Variants in UBE2H observed in about 807,000 individuals in gnomAD.
UBE2H encodes ubiquitin-conjugating enzyme E2 H.
A neutral mutation model predicts 29.0 loss-of-function variants in UBE2H; 3 were observed. The ratio of observed to expected loss-of-function variants is 0.10; its 90% CI spans 0.05 to 0.27. The LOEUF (loss-of-function observed/expected upper bound fraction) is 0.27. Among genes scored for constraint, UBE2H ranks in the 10% least tolerant of loss-of-function variants. UBE2H has a pLI of 1.00. For synonymous variants in UBE2H, 69 were observed against 82.9 expected, an observed-to-expected ratio of 0.83 and a Z score of 0.91; for missense variants, 68 against 228.2, an observed-to-expected ratio of 0.30 and a Z score of 4.52.
At chr7:129,921,570 ACGTCTGTGGTCCCAGCTACTTGGGAGG>A (rs1422399214) in intron 1 of UBE2H, among the ~76,000 whole-genome samples, 1 of 151,758 alleles carries the variant, frequency 6.6e-6, no homozygotes, top group Non-Finnish European at 1.5e-5. Context: ...ATGGTGGCAC[ACGTCTGTGGTCCCAGCTACTTGGGAGG>A]CTGAGGCAGG....
At chr7:129,949,400 AG>A (rs1320601997) in intron 1 of UBE2H, among the ~76,000 whole-genome samples, 2 of 151,604 alleles carry the variant, frequency 1.3e-5, no homozygotes, top group East Asian at 3.9e-4. Context: ...ACTATTCCAT[AG>A]GATCTGGGCT....
intron 1 of UBE2H, among the ~76,000 whole-genome samples, chr7:129,888,776 C>T (rs1469990605): frequency 6.6e-6 from 1 of 152,116 alleles, no homozygotes; most frequent in Non-Finnish European, 1.5e-5. Context: ...CGCCCAGCCA[C>T]AAAAACTACT....
At chr7:129,862,087 G>A (rs1805814316) in intron 3 of UBE2H, among the ~76,000 whole-genome samples, 1 of 152,074 alleles carries the variant, frequency 6.6e-6, no homozygotes, top group Non-Finnish European at 1.5e-5. Flanking sequence ...TATAAGGTAC[G>A]TGGTCCTCAA....
intron 1 of UBE2H, among the ~76,000 whole-genome samples, chr7:129,941,007 T>G (rs1432271238): frequency 2.0e-5 from 3 of 151,864 alleles, no homozygotes; most frequent in Non-Finnish European, 4.4e-5. Context: ...CAGGCTGTAG[T>G]ACAATGGCAC....
rs184501118 is a variant in UBE2H at position 129,841,529 on chromosome 7, C to A, written c.299-2194G>T. Among the ~76,000 whole-genome samples, 511 of 152,330 alleles carry A rather than the reference C, an allele frequency of 3.4e-3. 6 individuals are homozygous for A. The highest frequency in any genetic ancestry group is 3.5e-4 in the Non-Finnish European group (24 of 68,028). On this transcript the variant is annotated intron_variant, in intron 5 of 6. Transcript: ENST00000355621. Reference sequence around the variant, plus strand: ...CAGTGTGAATAAGGAAATTAATTTTCAGTTTATTTAATTCTAATTAAATTT... The same window carrying A: ...CAGTGTGAATAAGGAAATTAATTTTAAGTTTATTTAATTCTAATTAAATTT...
intron 6 of UBE2H, among the ~76,000 whole-genome samples, chr7:129,837,764 G>C (rs1164225667): frequency 1.3e-5 from 2 of 152,196 alleles, no homozygotes; most frequent in East Asian, 3.8e-4. Flanking sequence ...AGTAGGAAGT[G>C]GGGGTGAGCT....
At chr7:129,854,896 C>T (rs1805677026) in intron 5 of UBE2H, among the ~76,000 whole-genome samples, 1 of 151,876 alleles carries the variant, frequency 6.6e-6, no homozygotes, top group African/African-American at 2.4e-5. Flanking sequence ...CACGGATCAA[C>T]CTTGAAAACA....
chr7:129,865,582 GC>G (rs1419297511), intron 3 of UBE2H, among the ~76,000 whole-genome samples: 2 of 152,270 alleles, frequency 1.3e-5, no homozygotes, highest in South Asian at 2.1e-4. Flanking sequence ...ATCACCAAAG[GC>G]CAAAACAGCA....
intron 1 of UBE2H, among the ~76,000 whole-genome samples, chr7:129,938,928 A>G (rs1467400432): frequency 6.6e-6 from 1 of 151,794 alleles, no homozygotes; most frequent in Non-Finnish European, 1.5e-5. Flanking sequence ...CCTCCCGAGC[A>G]GCTTTGATTA....
At chr7:129,908,656 A>G (rs1317939698) in intron 1 of UBE2H, among the ~76,000 whole-genome samples, 4 of 152,258 alleles carry the variant, frequency 2.6e-5, no homozygotes, top group Admixed American at 2.0e-4. Flanking sequence ...AACTGTCTGC[A>G]TAGGTTCAAT....
chr7:129,854,060 G>GGTTTTTTTTTTTTTTTTTATTTTTTT (rs1554430936), intron 5 of UBE2H, among the ~76,000 whole-genome samples: 7 of 100,312 alleles, frequency 7.0e-5, no homozygotes, highest in Admixed American at 2.1e-4. Flanking sequence ...TTTAGTGTTA[G>GGTTTTTTTTTTTTTTTTTATTTTTTT]TTTTTTTTTT....
intron 5 of UBE2H, among the ~76,000 whole-genome samples, chr7:129,856,511 T>C (rs2116313669): frequency 6.6e-6 from 1 of 151,908 alleles, no homozygotes; most frequent in Non-Finnish European, 1.5e-5. Flanking sequence ...AAAGTAAAAG[T>C]GGACCATAAA....
rs933927562 is a variant in UBE2H at position 129,891,796 on chromosome 7, T to G, written c.54-10825A>C. On this transcript the variant is annotated intron_variant, in intron 1 of 6. Coordinates refer to ENST00000355621, the MANE Select transcript of UBE2H (RefSeq NM_003344.4). ...GCCTGGGTTACAGAGCGAGATTGTC[T>G]CCAAAAACAAAAACAAAAAAAAAAA... Among the ~76,000 whole-genome samples, 3 of 95,374 alleles carry G rather than the reference T, an allele frequency of 3.1e-5. No individual in the cohort carries two copies. In the Admixed American group the frequency reaches 4.1e-4, roughly 13 times the overall value. The allele number at this position is 95,374 out of a possible 152,430, so 62.6% of individuals were successfully genotyped here.
At chr7:129,862,554 CAGGA>C (rs1419152751) in intron 3 of UBE2H, among the ~76,000 whole-genome samples, 2 of 151,990 alleles carry the variant, frequency 1.3e-5, no homozygotes, top group Non-Finnish European at 2.9e-5. Context: ...ATGAGATGGT[CAGGA>C]AGGGACTTCC....
intron 4 of UBE2H, among the ~76,000 whole-genome samples, chr7:129,857,950 T>C (rs904434132): frequency 3.9e-5 from 6 of 152,114 alleles, no homozygotes; most frequent in Non-Finnish European, 8.8e-5. Flanking sequence ...CAAACACAAA[T>C]TGAGGAACAA....
chr7:129,912,051 G>C (rs1190431752), intron 1 of UBE2H, among the ~76,000 whole-genome samples: 4 of 152,174 alleles, frequency 2.6e-5, no homozygotes, highest in Admixed American at 1.3e-4. Flanking sequence ...GCAGGACCAA[G>C]GTAGGCCTTT....
At chr7:129,942,739 A>G (rs1807673256) in intron 1 of UBE2H, among the ~76,000 whole-genome samples, 1 of 152,212 alleles carries the variant, frequency 6.6e-6, no homozygotes, top group African/African-American at 2.4e-5. Context: ...AAATAATACC[A>G]TCAACAAAAA....
chr7:129,853,347 C>A (rs551474573), intron 5 of UBE2H, among the ~76,000 whole-genome samples: 1 of 152,164 alleles, frequency 6.6e-6, no homozygotes, highest in African/African-American at 2.4e-5. Context: ...AAATCCAGAT[C>A]CCCTTGGCTA....
intron 1 of UBE2H, among the ~76,000 whole-genome samples, chr7:129,952,138 G>A (rs2116546175): frequency 6.6e-6 from 1 of 152,192 alleles, no homozygotes; most frequent in Non-Finnish European, 1.5e-5. Context: ...TAAATCCAAA[G>A]CGAGCAAACA....
Sources: gnomAD v4.1 joint callset for allele counts (sites outside exome capture counted in the v4.1 genomes callset) on GRCh38, gnomAD v4.1.1 for gene constraint, MANE v1.5 for transcripts, NCBI Gene and HGNC (gene_info 2026-07-23, HGNC 2026-07-21) for gene names.